Variants in PTPRN2 observed in about 807,000 individuals in gnomAD.
PTPRN2 encodes receptor-type tyrosine-protein phosphatase N2.
A neutral mutation model predicts 118.8 loss-of-function variants in PTPRN2; 74 were observed. The ratio of observed to expected loss-of-function variants is 0.62; its 90% CI spans 0.52 to 0.76. The LOEUF (loss-of-function observed/expected upper bound fraction) is 0.76. Ranked by LOEUF, PTPRN2 falls within the 30% of genes least tolerant of loss-of-function variation. The probability of loss-of-function intolerance (pLI) is 0.00; values close to 1 mark genes in which losing one functional copy is unlikely to be tolerated. For missense variants in PTPRN2, 1,481 were observed against 1,394.4 expected, an observed-to-expected ratio of 1.06 and a Z score of -0.99; for synonymous variants, 641 against 608.0, an observed-to-expected ratio of 1.05 and a Z score of -0.80.
At chr7:158,034,355 C>T (rs1807933799) in intron 11 of PTPRN2, among the ~76,000 whole-genome samples, 1 of 152,230 alleles carries the variant, frequency 6.6e-6, no homozygotes, top group Non-Finnish European at 1.5e-5. Context: ...GTAACTGCCA[C>T]AATTCCCATG....
intron 11 of PTPRN2, among the ~76,000 whole-genome samples, chr7:157,976,085 G>T (rs1802721811): frequency 6.6e-6 from 1 of 152,250 alleles, no homozygotes; most frequent in South Asian, 2.1e-4. Flanking sequence ...GTAGCACAAG[G>T]TGAGCTGGAA....
chr7:158,379,742 G>A (rs1488766231), intron 2 of PTPRN2, among the ~76,000 whole-genome samples: 1 of 152,224 alleles, frequency 6.6e-6, no homozygotes, highest in East Asian at 1.9e-4. Context: ...GGGGGTTCAG[G>A]TGGATGGGGA....
At chr7:157,816,370 C>T (rs1001654779) in intron 12 of PTPRN2, among the ~76,000 whole-genome samples, 33 of 152,204 alleles carry the variant, frequency 2.2e-4, no homozygotes, top group African/African-American at 7.7e-4. Flanking sequence ...AGACCTTCCA[C>T]ACACTTTCCT....
chr7:158,407,206 GGGT>G, intron 2 of PTPRN2, among the ~76,000 whole-genome samples: 1 of 33,916 alleles, frequency 2.9e-5, no homozygotes, highest in Admixed American at 3.1e-4. Context: ...CCTGGGTCCT[GGGT>G]CCTGCGTCCT....
intron 2 of PTPRN2, among the ~76,000 whole-genome samples, chr7:158,381,469 T>C (rs1412299663): frequency 6.6e-6 from 1 of 152,218 alleles, no homozygotes; most frequent in Non-Finnish European, 1.5e-5. Flanking sequence ...AAGTTCCTCA[T>C]TTCCATCTGA....
intron 12 of PTPRN2, among the ~76,000 whole-genome samples, chr7:157,798,036 A>G (rs960268416): frequency 1.3e-5 from 2 of 152,156 alleles, no homozygotes; most frequent in Non-Finnish European, 1.5e-5. Context: ...AGGCGGGTGG[A>G]TCACCTGAGG....
chr7:158,554,166 T>C (rs1431552735), intron 1 of PTPRN2, among the ~76,000 whole-genome samples: 2 of 152,216 alleles, frequency 1.3e-5, no homozygotes, highest in African/African-American at 4.8e-5. Context: ...CTCAGGAGGC[T>C]GAGGCATGAG....
At chr7:157,836,634 C>T (rs200525581) in intron 12 of PTPRN2, among the ~76,000 whole-genome samples, 1 of 106,644 alleles carries the variant, frequency 9.4e-6, no homozygotes, top group Non-Finnish European at 1.9e-5. Flanking sequence ...ACACACACAT[C>T]CTAAAAGAAT....
At chr7:158,287,976 T>A (rs531326207) in intron 3 of PTPRN2, among the ~76,000 whole-genome samples, 1 of 152,198 alleles carries the variant, frequency 6.6e-6, no homozygotes, top group Non-Finnish European at 1.5e-5. Context: ...ATATTTGCTT[T>A]ACATACTTAG....
At chr7:157,959,348 TAAAC>T (rs1236629807) in intron 11 of PTPRN2, among the ~76,000 whole-genome samples, 2 of 152,088 alleles carry the variant, frequency 1.3e-5, no homozygotes, top group Non-Finnish European at 2.9e-5. Flanking sequence ...CAAAGAAAAA[TAAAC>T]AAATTGCACT....
chr7:158,329,500 T>G (rs1803954058), intron 2 of PTPRN2, among the ~76,000 whole-genome samples: 1 of 152,098 alleles, frequency 6.6e-6, no homozygotes, highest in African/African-American at 2.4e-5. Context: ...CAAGGACGGC[T>G]CACGCTCCAG....
Position 157,658,895 on chromosome 7 carries a change from G to GA in PTPRN2, c.2002-2345dup, listed in dbSNP as rs1043431878. 9.2e-5 allele frequency among the ~76,000 whole-genome samples: 14 copies of GA among 152,250 alleles called. No individual in the cohort carries two copies. In the South Asian group the frequency reaches 1.0e-3, roughly 11 times the overall value. Reference sequence around the variant, plus strand: ...GGTTTCATTTTGGTGGTGTCCGGGGGAGGCCAAGCCACCCACTCGCTCCCC... The same window carrying GA: ...GGTTTCATTTTGGTGGTGTCCGGGGGAAGGCCAAGCCACCCACTCGCTCCCC... On this transcript the variant is annotated intron_variant, in intron 13 of 22. Coordinates refer to ENST00000389418, the MANE Select transcript of PTPRN2 (RefSeq NM_002847.5).
chr7:157,568,933 C>G lies in PTPRN2; in HGVS notation c.2871G>C (p.Leu957=). ...CCATCTTGTTGAGAACCATGTCGAT[C>G]AGGACGTAGGTGCCGCTCCGGCCTG... ...DGAGRSGTYV[L]IDMVLNKMAK... Residue 957 remains leucine, a synonymous_variant, in exon 21 of 23, where the codon CTG becomes CTC. Coordinates refer to ENST00000389418, the MANE Select transcript of PTPRN2 (RefSeq NM_002847.5). The G allele has an allele frequency of 6.3e-7, 1 of 1,578,834 alleles. No individual in the cohort carries two copies. The highest frequency in any genetic ancestry group is 8.7e-7 in the Non-Finnish European group (1 of 1,148,076).
At chr7:158,393,599 G>A (rs1200576782) in intron 2 of PTPRN2, among the ~76,000 whole-genome samples, 5 of 152,198 alleles carry the variant, frequency 3.3e-5, no homozygotes, top group African/African-American at 9.7e-5. Flanking sequence ...TGGTGAATCT[G>A]CACCTTTTGG....
intron 2 of PTPRN2, among the ~76,000 whole-genome samples, chr7:158,377,669 A>G (rs1478208544): frequency 6.6e-6 from 1 of 152,178 alleles, no homozygotes; most frequent in Non-Finnish European, 1.5e-5. Flanking sequence ...TTCACAGGAA[A>G]CCGGCATCGG....
intron 11 of PTPRN2, among the ~76,000 whole-genome samples, chr7:157,917,507 T>C (rs1798476372): frequency 6.6e-6 from 1 of 152,226 alleles, no homozygotes; most frequent in African/African-American, 2.4e-5. Context: ...GGAGCATGGC[T>C]GCGCAGTAAT....
intron 4 of PTPRN2, among the ~76,000 whole-genome samples, chr7:158,200,795 A>G (rs573805284): frequency 3.9e-5 from 6 of 152,294 alleles, no homozygotes; most frequent in Non-Finnish European, 7.4e-5. Flanking sequence ...CCTACCAAAC[A>G]TTTATTGTTT....
intron 2 of PTPRN2, among the ~76,000 whole-genome samples, chr7:158,403,644 T>G (rs1049144354): frequency 2.6e-5 from 4 of 151,860 alleles, no homozygotes; most frequent in Non-Finnish European, 4.4e-5. Context: ...TGGGCTAAGG[T>G]GGGCAGCAGG....
chr7:158,341,399 A>G (rs1431378480), intron 2 of PTPRN2, among the ~76,000 whole-genome samples: 1 of 146,482 alleles, frequency 6.8e-6, no homozygotes, highest in African/African-American at 2.6e-5. Context: ...TCACCATAAG[A>G]GCTGTCGCCC....
Sources: gnomAD v4.1 joint callset for allele counts (sites outside exome capture counted in the v4.1 genomes callset) on GRCh38, gnomAD v4.1.1 for gene constraint, MANE v1.5 for transcripts, NCBI Gene and HGNC (gene_info 2026-07-23, HGNC 2026-07-21) for gene names.